The following SYN3 variants were observed in gnomAD, a reference collection of about 807,000 sequenced individuals.
SYN3 encodes synapsin III, also known as synapsin-3.
SYN3 carries 35 observed loss-of-function variants against 65.8 expected under a neutral mutation model. The observed-to-expected ratio is 0.53, with a 90% CI of 0.41 to 0.70. The LOEUF (loss-of-function observed/expected upper bound fraction) is 0.70. Ranked by LOEUF, SYN3 falls within the 30% of genes least tolerant of loss-of-function variation. The pLI is 0.00. For missense variants in SYN3, 680 were observed against 749.0 expected (o/e 0.91, Z 1.08); for synonymous variants, 270 against 292.9 (o/e 0.92, Z 0.80).
At chr22:32,893,633 C>G (rs2049510611) in intron 4 of SYN3, among the ~76,000 whole-genome samples, 1 of 152,074 alleles carries the variant, frequency 6.6e-6, no homozygotes, top group Non-Finnish European at 1.5e-5. Context: ...CATTTTCACT[C>G]CAGAGTCTGG....
intron 6 of SYN3, among the ~76,000 whole-genome samples, chr22:32,670,945 C>G (rs1033749416): frequency 6.6e-6 from 1 of 152,192 alleles, no homozygotes; most frequent in Admixed American, 6.5e-5. Flanking sequence ...CTACGGTGTT[C>G]AGGAATAGCA....
intron 6 of SYN3, among the ~76,000 whole-genome samples, chr22:32,823,846 T>G (rs1445470110): frequency 1.3e-5 from 2 of 152,114 alleles, no homozygotes; most frequent in Admixed American, 1.3e-4. Context: ...TCCACTCCTA[T>G]AAGATGGTAC....
At chr22:32,541,861 A>T in intron 7 of SYN3, 148 bp from the exon 8 acceptor site, 1 of 905,346 alleles carries the variant, frequency 1.1e-6, no homozygotes, top group South Asian at 1.7e-5. Flanking sequence ...GAAGCAAATC[A>T]TTCCACCACA....
At chr22:32,664,585 T>C (rs1227066109) in intron 6 of SYN3, among the ~76,000 whole-genome samples, 2 of 39,684 alleles carry the variant, frequency 5.0e-5, no homozygotes, top group Non-Finnish European at 8.8e-5. Flanking sequence ...AATTGGTCGC[T>C]TTTTTTTTTT....
chr22:32,608,536 T>C (rs2059399248), intron 6 of SYN3, among the ~76,000 whole-genome samples: 1 of 152,252 alleles, frequency 6.6e-6, no homozygotes, highest in Non-Finnish European at 1.5e-5. Context: ...AAAAGTACTG[T>C]TGTCTTGGTA....
rs78157374 is a variant in SYN3 at position 32,984,116 on chromosome 22, T to A, written c.312-3414A>T. ...GGCAGAAGTTGCAGTGAGCCAAGATTGCGCCATTGTACTCCAACCTGGGCG... is the reference window on the plus strand; with the variant it reads ...GGCAGAAGTTGCAGTGAGCCAAGATAGCGCCATTGTACTCCAACCTGGGCG... On this transcript the variant is annotated intron_variant, in intron 2 of 13. Transcript: ENST00000358763. Among the ~76,000 whole-genome samples, 6 of 138,600 alleles carry A rather than the reference T, an allele frequency of 4.3e-5. No homozygotes were observed. In the Admixed American group the frequency reaches 4.8e-4, roughly 11 times the overall value. 90.9% of individuals were successfully genotyped at this position (138,600 alleles called of 152,430 possible).
chr22:32,855,377 A>G (rs2048336027), intron 6 of SYN3, among the ~76,000 whole-genome samples: 1 of 152,204 alleles, frequency 6.6e-6, no homozygotes, highest in Admixed American at 6.5e-5. Flanking sequence ...AAATGGAAAT[A>G]GCATTTGCCT....
intron 3 of SYN3, among the ~76,000 whole-genome samples, chr22:32,979,152 CACTCCAGCCTGGGCAAGAGAGTGAG>C (rs1205110338): frequency 6.7e-6 from 1 of 148,302 alleles, no homozygotes; most frequent in Non-Finnish European, 1.5e-5. Flanking sequence ...CACTCCATTG[CACTCCAGCCTGGGCAAGAGAGTGAG>C]ACTCCATCTC....
chr22:32,590,038 A>C (rs2059106685), intron 7 of SYN3, among the ~76,000 whole-genome samples: 1 of 152,204 alleles, frequency 6.6e-6, no homozygotes, highest in African/African-American at 2.4e-5. Context: ...AAGGGCAAAA[A>C]CAAAAAACAA....
chr22:32,561,826 G>A (rs1159567038), intron 7 of SYN3, among the ~76,000 whole-genome samples: 3 of 152,338 alleles, frequency 2.0e-5, no homozygotes, highest in East Asian at 1.9e-4. Context: ...GAGGCCCAAC[G>A]CTGCCTCCAA....
At chr22:32,738,839 G>A (rs2061365844) in intron 6 of SYN3, among the ~76,000 whole-genome samples, 1 of 152,240 alleles carries the variant, frequency 6.6e-6, no homozygotes, top group Admixed American at 6.5e-5. Context: ...AGACTTAGGT[G>A]GTGAGGGAGG....
chr22:32,729,312 G>T (rs2147331395), intron 6 of SYN3, among the ~76,000 whole-genome samples: 1 of 152,320 alleles, frequency 6.6e-6, no homozygotes, highest in East Asian at 1.9e-4. Flanking sequence ...CACGGTGTGG[G>T]GGCAAAAGCG....
intron 4 of SYN3, among the ~76,000 whole-genome samples, chr22:32,921,834 TAGG>T (rs2050341589): frequency 1.3e-5 from 2 of 152,072 alleles, no homozygotes; most frequent in Non-Finnish European, 2.9e-5. Context: ...TTATTATTAT[TAGG>T]AGGAGGAGGG....
In SYN3 at chr22:32,795,974, C is replaced by T. The variant is rs1249675784; in HGVS notation, c.711+68941G>A. Among the ~76,000 whole-genome samples the T allele has an allele frequency of 2.0e-5, 3 of 152,242 alleles. No homozygotes were observed. In the East Asian group the frequency reaches 5.8e-4, roughly 29 times the overall value. ...GACCAACCACATGTCCATCCCATTCCCTCCCAAGGCATGACAGCACCTGGC... is the reference window on the plus strand; with the variant it reads ...GACCAACCACATGTCCATCCCATTCTCTCCCAAGGCATGACAGCACCTGGC... On this transcript the variant is annotated intron_variant, in intron 6 of 13. Transcript: ENST00000358763.
chr22:32,641,006 G>A (rs2059889371), intron 6 of SYN3, among the ~76,000 whole-genome samples: 1 of 152,244 alleles, frequency 6.6e-6, no homozygotes, highest in Non-Finnish European at 1.5e-5. Context: ...TAAGCTGGGT[G>A]TGCCTGGGCA....
Position 32,790,665 on chromosome 22 carries a change from G to T in SYN3, c.711+74250C>A, listed in dbSNP as rs527489149. 1.6e-4 allele frequency among the ~76,000 whole-genome samples: 25 copies of T among 152,234 alleles called. No homozygotes were observed. In the East Asian group the frequency reaches 4.3e-3, roughly 26 times the overall value. On this transcript the variant is annotated intron_variant, in intron 6 of 13. Coordinates refer to ENST00000358763, the MANE Select transcript of SYN3 (RefSeq NM_003490.4). Reference sequence around the variant, plus strand: ...TGGTCTCAAACTCCTGGCATCAAGTGATTCGCCTGCCTCGGCCTCTCAAAG... The same window carrying T: ...TGGTCTCAAACTCCTGGCATCAAGTTATTCGCCTGCCTCGGCCTCTCAAAG...
chr22:32,991,951 G>T (rs2052728719), intron 2 of SYN3, among the ~76,000 whole-genome samples: 1 of 152,214 alleles, frequency 6.6e-6, no homozygotes, highest in Non-Finnish European at 1.5e-5. Flanking sequence ...GCTGGCATCT[G>T]CCCAGAGCCC....
rs2057687591 is a variant in SYN3, at chr22:32,511,180, T to C, written c.*2512A>G. On this transcript the variant is annotated 3_prime_UTR_variant, in exon 14 of 14. Transcript: ENST00000358763. ...CTTTTCCCTATGCCCCACTTGGCTT[T>C]CTTCAGAAATTCCAAGGGAGTGGTG... Among the ~76,000 whole-genome samples, 2 of 152,218 alleles carry C rather than the reference T, an allele frequency of 1.3e-5. No homozygotes were observed. Among genetic ancestry groups the C allele is most frequent in the South Asian group, 4.1e-4 (2 of 4,832 alleles).
Position 32,872,987 on chromosome 22 carries a change from A to G in SYN3, c.462-3862T>C, listed in dbSNP as rs193232287. On this transcript the variant is annotated intron_variant, in intron 4 of 13. Transcript: ENST00000358763. ...GACAGAGTCTGGCTCTATTGTCCAT[A>G]TTGTCCAGGCTGGTGTGCAATGGTG... Among the ~76,000 whole-genome samples, 109 of 129,186 alleles carry G rather than the reference A, an allele frequency of 8.4e-4. 1 individual carries two copies. In the East Asian group the frequency reaches 0.014, roughly 16 times the overall value. 84.8% of individuals were successfully genotyped at this position (129,186 alleles called of 152,430 possible). A position where few individuals can be genotyped will look rare whatever the true frequency, so the allele number is the denominator to read the frequency against.
Sources: allele counts gnomAD v4.1 joint callset (sites outside exome capture counted in the v4.1 genomes callset), GRCh38; gene constraint gnomAD v4.1.1; transcripts MANE v1.5; gene names NCBI Gene and HGNC (gene_info 2026-07-23, HGNC 2026-07-21).